Variants in LARP4B observed in about 807,000 individuals in gnomAD.
LARP4B encodes the protein la-related protein 4B.
In LARP4B, 12 loss-of-function variants were observed where a neutral mutation model predicts 89.8. That is an observed-to-expected ratio of 0.13 (90% CI 0.09 to 0.22). The LOEUF is 0.22. Among genes scored for constraint, LARP4B ranks in the 10% least tolerant of loss-of-function variants. The pLI is 1.00. For missense variants in LARP4B, 757 were observed against 947.7 expected, an observed-to-expected ratio of 0.80 and a Z score of 2.64; for synonymous variants, 367 against 363.3, an observed-to-expected ratio of 1.01 and a Z score of -0.12.
rs561949174 is a variant in LARP4B, at chr10:876,215, G to A, written c.141+8232C>T. On this transcript the variant is annotated intron_variant, in intron 3 of 17. Coordinates refer to ENST00000316157, the MANE Select transcript of LARP4B (RefSeq NM_015155.3). ...AGCCTGACCAACATGGAGAAACCCC[G>A]TCTCTACTAATACAAAAAATTAGCC... Among the ~76,000 whole-genome samples the A allele has an allele frequency of 5.3e-5, 8 of 152,128 alleles. No individual in the cohort carries two copies. In the South Asian group the frequency reaches 1.2e-3, roughly 24 times the overall value.
intron 15 of LARP4B, 30 bp from the exon 16 acceptor site, chr10:815,100 G>C: frequency 1.3e-6 from 2 of 1,525,480 alleles, no homozygotes; most frequent in Non-Finnish European, 1.8e-6. Flanking sequence ...GTTCATCAGA[G>C]TCCTGCCGGC....
chr10:954,420 G>A, the LARP4B span, among the ~76,000 whole-genome samples: 2,339 of 152,282 alleles, frequency 0.015, 67 homozygotes, highest in African/African-American at 0.052. The surrounding 1 kb of genome is among the most constrained non-coding windows in gnomAD (Gnocchi z 5.0). Context: ...GGACATCTGC[G>A]GCAGTGGTGA....
chr10:940,313 G>A, the LARP4B span, among the ~76,000 whole-genome samples: 6 of 151,702 alleles, frequency 4.0e-5, no homozygotes, highest in African/African-American at 9.7e-5. Context: ...CACCATGCGC[G>A]GGCTTAATTT....
chr10:911,744 G>C (rs368669891), intron 1 of LARP4B, among the ~76,000 whole-genome samples: 1 of 152,274 alleles, frequency 6.6e-6, no homozygotes, highest in South Asian at 2.1e-4. Flanking sequence ...TTTCCTCTCA[G>C]GTCTAAAGCT....
At chr10:931,905 C>T (rs1474901057), upstream of LARP4B, among the ~76,000 whole-genome samples, 5 of 150,742 alleles carry the variant, frequency 3.3e-5, no homozygotes, top group Non-Finnish European at 4.4e-5. Context: ...GCGCGTACAC[C>T]CTGCTCGCGG....
chr10:952,197 G>A, the LARP4B span, among the ~76,000 whole-genome samples: 61 of 151,610 alleles, frequency 4.0e-4, no homozygotes, highest in African/African-American at 1.4e-3. Context: ...AAAATTAGCC[G>A]GGCTTGGTGG....
At chr10:936,906 TAA>T in the LARP4B span, among the ~76,000 whole-genome samples, 1 of 152,026 alleles carries the variant, frequency 6.6e-6, no homozygotes, top group Non-Finnish European at 1.5e-5. Flanking sequence ...ATACTGTGAG[TAA>T]AAAAGAACGC....
intron 5 of LARP4B, among the ~76,000 whole-genome samples, chr10:847,855 A>C (rs996754735): frequency 2.0e-5 from 3 of 152,280 alleles, no homozygotes; most frequent in Non-Finnish European, 4.4e-5. Context: ...AGTAACCCCC[A>C]CAAGTCCAGC....
At chr10:936,763 G>T (rs1830752876), upstream of LARP4B, among the ~76,000 whole-genome samples, 1 of 152,084 alleles carries the variant, frequency 6.6e-6, no homozygotes, top group Admixed American at 6.6e-5. Flanking sequence ...TATGAGGCAA[G>T]AAAGACCCTT....
Position 885,677 on chromosome 10 carries a change from C to A in LARP4B, c.45G>T (p.Thr15=). The change falls in exon 2 of 18, where the codon ACG becomes ACT. Residue 15 remains threonine (T), a synonymous_variant. Coordinates refer to ENST00000316157, the MANE Select transcript of LARP4B (RefSeq NM_015155.3). ...QDAKVVAEPQ[T]QRVQEGKDSA... ...TGTCCTTGCCCTCCTGGACTCTCTGCGTCTGCGGTTCAGCCACAACCTTAG... is the reference window on the plus strand; with the variant it reads ...TGTCCTTGCCCTCCTGGACTCTCTGAGTCTGCGGTTCAGCCACAACCTTAG... 2 of 1,614,086 alleles carry A rather than the reference C, an allele frequency of 1.2e-6. No individual in the cohort carries two copies. The highest frequency in any genetic ancestry group is 8.5e-7 in the Non-Finnish European group (1 of 1,179,946).
At chr10:839,312 C>T (rs1833396509) in intron 7 of LARP4B, among the ~76,000 whole-genome samples, 1 of 152,202 alleles carries the variant, frequency 6.6e-6, no homozygotes, top group Admixed American at 6.5e-5. Flanking sequence ...AAATGTTCCT[C>T]TGCTGCGGAA....
intron 1 of LARP4B, among the ~76,000 whole-genome samples, chr10:886,173 A>AT (rs892499990): frequency 6.6e-6 from 1 of 152,242 alleles, no homozygotes; most frequent in Non-Finnish European, 1.5e-5. Flanking sequence ...ATGAACAGGC[A>AT]TTTTTCCCAA....
At chr10:931,316 C>G (rs1222458865) in intron 1 of LARP4B, 112 bp downstream of exon 1, 2 of 151,780 alleles carry the variant, frequency 1.3e-5, no homozygotes, top group Non-Finnish European at 3.0e-5. Context: ...AGGCCCGGCC[C>G]TGCCCGCCGC....
intron 1 of LARP4B, among the ~76,000 whole-genome samples, chr10:887,526 CA>C: frequency 6.6e-6 from 1 of 151,386 alleles, no homozygotes; most frequent in East Asian, 1.9e-4. Context: ...GCCTGGCCAA[CA>C]TGGTGAAACC....
the LARP4B span, among the ~76,000 whole-genome samples, chr10:944,267 G>T: frequency 6.6e-6 from 1 of 152,178 alleles, no homozygotes; most frequent in Non-Finnish European, 1.5e-5. Context: ...AATATTCCTA[G>T]TAAGACAATT....
At chr10:826,527 G>A (rs1832633551) in intron 11 of LARP4B, among the ~76,000 whole-genome samples, 1 of 152,068 alleles carries the variant, frequency 6.6e-6, no homozygotes, top group Admixed American at 6.6e-5. Context: ...TTTAAGTATC[G>A]GCCAACTATT....
chr10:899,365 G>T (rs906545067), intron 1 of LARP4B, among the ~76,000 whole-genome samples: 3 of 152,232 alleles, frequency 2.0e-5, no homozygotes, highest in African/African-American at 7.2e-5. Context: ...ACATTATTCT[G>T]AAGTCAGGAA....
At chr10:941,512 G>C in the LARP4B span, among the ~76,000 whole-genome samples, 4 of 151,784 alleles carry the variant, frequency 2.6e-5, no homozygotes, top group South Asian at 6.2e-4. Context: ...TGGGCGGGGG[G>C]TGTCTCACCA....
At chr10:880,502 A>G (rs924984223) in intron 3 of LARP4B, among the ~76,000 whole-genome samples, 3 of 152,158 alleles carry the variant, frequency 2.0e-5, no homozygotes, top group African/African-American at 7.2e-5. Context: ...CTTGGGCAAC[A>G]TGGCGAAACC....
Sources: allele counts gnomAD v4.1 joint callset (sites outside exome capture counted in the v4.1 genomes callset), GRCh38; gene constraint gnomAD v4.1.1; non-coding constraint Gnocchi (gnomAD v3.1); transcripts MANE v1.5; gene names NCBI Gene and HGNC (gene_info 2026-07-23, HGNC 2026-07-21).